ST3GAL1: variants seen among roughly 807,000 people sequenced by gnomAD.
ST3GAL1 encodes the protein ST3 beta-galactoside alpha-2,3-sialyltransferase 1.
ST3GAL1 carries 16 observed loss-of-function variants against 34.1 expected under a neutral mutation model. That is an observed-to-expected ratio of 0.47 (90% CI 0.32 to 0.71). The LOEUF is 0.71. Ranked by LOEUF, ST3GAL1 falls within the 30% of genes least tolerant of loss-of-function variation. The probability of loss-of-function intolerance (pLI) is 0.04; values close to 1 mark genes in which losing one functional copy is unlikely to be tolerated. For synonymous variants in ST3GAL1, 191 were observed against 184.7 expected, an observed-to-expected ratio of 1.03 and a Z score of -0.28; for missense variants, 353 against 447.4, an observed-to-expected ratio of 0.79 and a Z score of 1.90.
At chr8:133,463,247 C>G (rs16904928) in intron 8 of ST3GAL1, among the ~76,000 whole-genome samples, 167 bp downstream of exon 8, 8,247 of 152,286 alleles carry the variant, frequency 0.054, 260 homozygotes, top group African/African-American at 0.085. Context: ...TTGAGAATCT[C>G]TCCCAGTGTT....
Position 133,461,983 on chromosome 8 carries a change from G to A in ST3GAL1, c.741C>T (p.Tyr247=), listed in dbSNP as rs1377175743. ...AGACATACTTGATGAAGGCTGGGTGGTAGATCAGGATCTGCGGGGATGGGA... is the reference window on the plus strand; with the variant it reads ...AGACATACTTGATGAAGGCTGGGTGATAGATCAGGATCTGCGGGGATGGGA... ...IRVKQDKILI[Y]HPAFIKYVFD... Residue 247 remains tyrosine (Y), a synonymous_variant, in exon 9 of 10, where the codon TAC becomes TAT. Coordinates refer to ENST00000522652, the MANE Select transcript of ST3GAL1 (RefSeq NM_173344.3). This position sits in a 1 kb window ranked among gnomAD's most constrained non-coding sequence, Gnocchi z 4.7. 1 of 1,614,172 alleles carries A rather than the reference G, an allele frequency of 6.2e-7. No individual in the cohort carries two copies. The highest frequency in any genetic ancestry group is 8.5e-7 in the Non-Finnish European group (1 of 1,180,010).
At position 133,476,091 on chromosome 8, in the gene ST3GAL1, A is replaced by G; in HGVS notation, c.-50-17T>C. The G allele has an allele frequency of 6.7e-7, 1 of 1,495,334 alleles. No homozygotes were observed. The highest frequency in any genetic ancestry group is 1.4e-5 in the South Asian group (1 of 73,686). 92.6% of individuals were successfully genotyped at this position (1,495,334 alleles called of 1,614,324 possible). On this transcript the variant is annotated splice_polypyrimidine_tract_variant and intron_variant, in intron 4 of 9. Coordinates refer to ENST00000522652, the MANE Select transcript of ST3GAL1 (RefSeq NM_173344.3). ...AACTCCCTCCTAAGAGAGGAGAAAA[A>G]TGGAAGAAAAATCCCAGAGGTGGAG...
intron 2 of ST3GAL1, among the ~76,000 whole-genome samples, chr8:133,538,210 C>T (rs1323250669): frequency 6.6e-6 from 1 of 152,222 alleles, no homozygotes; most frequent in African/African-American, 2.4e-5. Flanking sequence ...ATGTCAAAGG[C>T]ATTGAATTAA....
intron 1 of ST3GAL1, among the ~76,000 whole-genome samples, chr8:133,558,552 T>C (rs1819126145): frequency 6.6e-6 from 1 of 152,142 alleles, no homozygotes; most frequent in Non-Finnish European, 1.5e-5. Flanking sequence ...TTGACACTAT[T>C]TAAGTGTGCA....
chr8:133,518,903 C>T (rs189010911), intron 2 of ST3GAL1, among the ~76,000 whole-genome samples: 68 of 152,276 alleles, frequency 4.5e-4, no homozygotes, highest in African/African-American at 1.6e-3. Flanking sequence ...AGACTCTGAT[C>T]CCAGCAGTGC....
intron 1 of ST3GAL1, among the ~76,000 whole-genome samples, chr8:133,552,712 T>C (rs940240507): frequency 1.3e-5 from 2 of 152,306 alleles, no homozygotes; most frequent in African/African-American, 4.8e-5. Flanking sequence ...CCTCTCTCTC[T>C]GAAATGGGCT....
intron 1 of ST3GAL1, among the ~76,000 whole-genome samples, chr8:133,547,597 C>G (rs1340833117): frequency 6.6e-6 from 1 of 152,106 alleles, no homozygotes; most frequent in Non-Finnish European, 1.5e-5. Flanking sequence ...TGGAGAGAGG[C>G]TGAGGCACCC....
rs996620024 is a variant in ST3GAL1 at position 133,556,439 on chromosome 8, C to T, written c.-581-10513G>A. Among the ~76,000 whole-genome samples the T allele has an allele frequency of 6.6e-6, 1 of 152,148 alleles. No homozygotes were observed. The highest frequency in any genetic ancestry group is 1.5e-5 in the Non-Finnish European group (1 of 68,028). On this transcript the variant is annotated intron_variant, in intron 1 of 9. Transcript: ENST00000522652. This position sits in a 1 kb window ranked among gnomAD's most constrained non-coding sequence, Gnocchi z 8.9. ...AATTTGCTTTCAGAGGAGTGAGATG[C>T]TGGCAGGCTGTACAGCTGTCCTCTG...
At chr8:133,493,931 C>A (rs1274603158) in intron 3 of ST3GAL1, among the ~76,000 whole-genome samples, 1 of 151,768 alleles carries the variant, frequency 6.6e-6, no homozygotes, top group Admixed American at 6.6e-5. Context: ...TCACCTTCTT[C>A]TCTCTCCTTC....
chr8:133,541,118 TATAGAGAG>T lies in ST3GAL1; in HGVS notation c.-429+4648_-429+4655del, dbSNP rs1312092411. Among the ~76,000 whole-genome samples, 11 of 52,176 alleles carry T rather than the reference TATAGAGAG, an allele frequency of 2.1e-4. 2 individuals are homozygous for T. The highest frequency in any genetic ancestry group is 9.9e-4 in the African/African-American group (10 of 10,118). 34.2% of individuals were successfully genotyped at this position (52,176 alleles called of 152,430 possible). ...AAACATATATATATATATATATATA[TATAGAGAG>T]AGAGAGAGAGAGAGAGAGAGAGAGA... On this transcript the variant is annotated intron_variant, in intron 2 of 9. Coordinates refer to ENST00000522652, the MANE Select transcript of ST3GAL1 (RefSeq NM_173344.3).
Position 133,571,121 on chromosome 8 carries a change from G to A in ST3GAL1, c.-582+572C>T, listed in dbSNP as rs987044132. On this transcript the variant is annotated intron_variant, in intron 1 of 9. Transcript: ENST00000522652. The surrounding 1 kb of genome is among the most constrained non-coding windows in gnomAD (Gnocchi z 6.7). ...ATAGCCACCTCCCGGATCTGCGCCTGCTTGCAGCGGATTGGGGGACTCGAT... is the reference window on the plus strand; with the variant it reads ...ATAGCCACCTCCCGGATCTGCGCCTACTTGCAGCGGATTGGGGGACTCGAT... Among the ~76,000 whole-genome samples, 6 of 152,184 alleles carry A rather than the reference G, an allele frequency of 3.9e-5. No homozygotes were observed. The highest frequency in any genetic ancestry group is 1.4e-4 in the African/African-American group (6 of 41,460).
intron 3 of ST3GAL1, among the ~76,000 whole-genome samples, chr8:133,486,798 G>T (rs961803296): frequency 6.6e-6 from 1 of 152,186 alleles, no homozygotes; most frequent in African/African-American, 2.4e-5. Flanking sequence ...CAGCAGCCAC[G>T]GAGCACAGCG....
At chr8:133,502,857 A>C (rs2130997290) in intron 2 of ST3GAL1, among the ~76,000 whole-genome samples, 1 of 152,162 alleles carries the variant, frequency 6.6e-6, no homozygotes, top group African/African-American at 2.4e-5. Flanking sequence ...AGCAGCCTCC[A>C]CCTCTCACTG....
In ST3GAL1 at chr8:133,541,118, TATAG is replaced by T. The variant is rs1261962498; in HGVS notation, c.-429+4652_-429+4655del. On this transcript the variant is annotated intron_variant, in intron 2 of 9. Coordinates refer to ENST00000522652, the MANE Select transcript of ST3GAL1 (RefSeq NM_173344.3). Reference sequence around the variant, plus strand: ...AAACATATATATATATATATATATATATAGAGAGAGAGAGAGAGAGAGAGAGAGA... The same window carrying T: ...AAACATATATATATATATATATATATAGAGAGAGAGAGAGAGAGAGAGAGA... Among the ~76,000 whole-genome samples, 32 of 52,170 alleles carry T rather than the reference TATAG, an allele frequency of 6.1e-4. 2 individuals are homozygous for T. Among genetic ancestry groups the T allele is most frequent in the South Asian group, 5.3e-3 (7 of 1,326 alleles). 34.2% of individuals were successfully genotyped at this position (52,170 alleles called of 152,430 possible).
At chr8:133,499,092 G>C (rs1235126150) in intron 3 of ST3GAL1, 43 bp downstream of exon 3, 1 of 152,220 alleles carries the variant, frequency 6.6e-6, no homozygotes, top group Non-Finnish European at 1.5e-5. Context: ...ACAGGTTCTG[G>C]AGTGAAAGAG....
intron 4 of ST3GAL1, 85 bp downstream of exon 4, chr8:133,476,193 G>T (rs1414870896): frequency 7.1e-6 from 5 of 704,922 alleles, no homozygotes; most frequent in African/African-American, 5.4e-5. Flanking sequence ...CCTGCTGGGG[G>T]ATGACCCCCA....
chr8:133,510,518 C>G (rs532657745), intron 2 of ST3GAL1, among the ~76,000 whole-genome samples: 1 of 152,128 alleles, frequency 6.6e-6, no homozygotes, highest in Non-Finnish European at 1.5e-5. Context: ...AGCATTTGGA[C>G]CCTCAGACTT....
chr8:133,476,317 T>G lies in ST3GAL1; in HGVS notation c.-90A>C. The stretch of plus-strand genomic sequence containing the variant: ...AAGTAGCCTATTCTTCTGCAATCCT[T>G]AAAGAGCTGATAATGTCTCTCGATC... On this transcript the variant is annotated 5_prime_UTR_variant, in exon 4 of 10. Coordinates refer to ENST00000522652, the MANE Select transcript of ST3GAL1 (RefSeq NM_173344.3). 3.4e-6 allele frequency: 1 copy of G among 296,184 alleles called. No individual in the cohort carries two copies. The highest frequency in any genetic ancestry group is 2.2e-5 in the African/African-American group (1 of 46,366). 18.3% of individuals were successfully genotyped at this position (296,184 alleles called of 1,614,324 possible). A position where few individuals can be genotyped will look rare whatever the true frequency, so the allele number is the denominator to read the frequency against.
chr8:133,560,271 A>C (rs1304215012), intron 1 of ST3GAL1, among the ~76,000 whole-genome samples: 2 of 151,994 alleles, frequency 1.3e-5, no homozygotes, highest in Admixed American at 6.5e-5. Context: ...AAAAAAAAAA[A>C]CACACTGAAA....
Sources: gnomAD v4.1 joint callset for allele counts (sites outside exome capture counted in the v4.1 genomes callset) on GRCh38, gnomAD v4.1.1 for gene constraint, Gnocchi (gnomAD v3.1) non-coding constraint, MANE v1.5 for transcripts, NCBI Gene and HGNC (gene_info 2026-07-23, HGNC 2026-07-21) for gene names.